The following DGCR8 variants were observed in gnomAD, a reference collection of about 807,000 sequenced individuals.
DGCR8 encodes DGCR8 microprocessor complex subunit.
A neutral mutation model predicts 78.5 loss-of-function variants in DGCR8; 14 were observed. The ratio of observed to expected loss-of-function variants is 0.18; its 90% confidence interval spans 0.12 to 0.28. DGCR8 has a LOEUF of 0.28. Among genes scored for constraint, DGCR8 ranks in the 10% least tolerant of loss-of-function variants. The probability of loss-of-function intolerance (pLI) is 1.00; values close to 1 mark genes in which losing one functional copy is unlikely to be tolerated. For synonymous variants in DGCR8, 399 were observed against 402.4 expected (o/e 0.99, Z 0.10); for missense variants, 702 against 1,022.5 (o/e 0.69, Z 4.28).
At position 20,086,214 on chromosome 22, in the gene DGCR8, GCCT is replaced by G; in HGVS notation, c.256_258del (p.Leu86del). ...TCCAAAGGATCCTTCTCTAAGGGCCGCCTCCTCATAGACCCGAACTGTAGTGGC... is the reference window on the plus strand; with the variant it reads ...TCCAAAGGATCCTTCTCTAAGGGCCGCCTCATAGACCCGAACTGTAGTGGC... On this transcript the variant is annotated inframe_deletion, in exon 2 of 14. Coordinates refer to ENST00000351989, the MANE Select transcript of DGCR8 (RefSeq NM_022720.7). The surrounding 1 kb of genome is among the most constrained non-coding windows in gnomAD (Gnocchi z 6.4). 2 of 1,614,120 alleles carry G rather than the reference GCCT, an allele frequency of 1.2e-6. No homozygotes were observed. Among genetic ancestry groups the G allele is most frequent in the Non-Finnish European group, 1.7e-6 (2 of 1,180,028 alleles).
intron 9 of DGCR8, chr22:20,101,446 T>C (rs945125066): frequency 2.0e-5 from 13 of 666,292 alleles, no homozygotes; most frequent in Admixed American, 6.3e-5. Flanking sequence ...GGCATGGTGG[T>C]GGGCGCCTGC....
intron 9 of DGCR8, chr22:20,100,648 A>T: frequency 2.0e-6 from 2 of 985,268 alleles, no homozygotes; most frequent in Non-Finnish European, 2.4e-6. Context: ...CTCAGCCTCC[A>T]CTCTGGGGTT....
chr22:20,090,584 G>T (rs2049544457), intron 5 of DGCR8, among the ~76,000 whole-genome samples: 2 of 152,222 alleles, frequency 1.3e-5, no homozygotes, highest in Admixed American at 1.3e-4. Flanking sequence ...TCAGTAGGAT[G>T]TGCTCATGTG....
At position 20,101,305 on chromosome 22, in the gene DGCR8, G is replaced by A. The variant is rs370002761; in HGVS notation, c.1789-4872G>A. 6.6e-5 allele frequency: 65 copies of A among 984,800 alleles called. 1 individual carries two copies. The African/African-American group carries it at 8.0e-4, about 12-fold the overall frequency. 61.0% of individuals were successfully genotyped at this position (984,800 alleles called of 1,614,324 possible). A position where few individuals can be genotyped will look rare whatever the true frequency, so the allele number is the denominator to read the frequency against. On this transcript the variant is annotated intron_variant, in intron 9 of 13. Coordinates refer to ENST00000351989, the MANE Select transcript of DGCR8 (RefSeq NM_022720.7). ...TATATGTCATCTGTGGGCTGGGCGC[G>A]GTGGCTCACGCCTGTAATCCCAGCA... is the stretch of plus-strand genomic sequence containing the variant.
chr22:20,094,652 T>G (rs544022441), intron 8 of DGCR8, 61 bp from the exon 9 acceptor site: 1 of 1,483,560 alleles, frequency 6.7e-7, no homozygotes, highest in African/African-American at 1.4e-5. Context: ...CAGTTCACTC[T>G]GCAGGGTGGT....
intron 9 of DGCR8, among the ~76,000 whole-genome samples, chr22:20,104,944 T>A (rs949656629): frequency 6.6e-6 from 1 of 152,126 alleles, no homozygotes; most frequent in Non-Finnish European, 1.5e-5. Context: ...GGCGTGTGAA[T>A]CATTTGATTC....
intron 5 of DGCR8, among the ~76,000 whole-genome samples, chr22:20,090,918 C>T (rs1466085831): frequency 6.6e-6 from 1 of 152,170 alleles, no homozygotes; most frequent in Non-Finnish European, 1.5e-5. Context: ...TGTGGGGTGC[C>T]CTAGAAGAGC....
Position 20,087,042 on chromosome 22 carries a change from A to G in DGCR8, c.721-120A>G. ...TCAGATGATCATGCACCCTAAGGGC[A>G]CATCTAGGCCCCCTGAGAGCACCTC... is the stretch of plus-strand genomic sequence containing the variant. On this transcript the variant is annotated intron_variant, in intron 2 of 13. Transcript: ENST00000351989. The surrounding 1 kb of genome is among the most constrained non-coding windows in gnomAD (Gnocchi z 4.1). 7.7e-7 allele frequency: 1 copy of G among 1,303,398 alleles called. No individual in the cohort carries two copies. The highest frequency in any genetic ancestry group is 1.1e-6 in the Non-Finnish European group (1 of 946,878). The allele number at this position is 1,303,398 out of a possible 1,614,324, so 80.7% of individuals were successfully genotyped here.
rs2049489484 is a variant in DGCR8, at chr22:20,086,782, AAAAAC to A, written c.720+104_720+108del. 4.3e-6 allele frequency: 6 copies of A among 1,380,496 alleles called. No homozygotes were observed. The highest frequency in any genetic ancestry group is 5.8e-6 in the Non-Finnish European group (6 of 1,028,856). 85.5% of individuals were successfully genotyped at this position (1,380,496 alleles called of 1,614,324 possible). A position where few individuals can be genotyped will look rare whatever the true frequency, so the allele number is the denominator to read the frequency against. On this transcript the variant is annotated intron_variant, in intron 2 of 13. Coordinates refer to ENST00000351989, the MANE Select transcript of DGCR8 (RefSeq NM_022720.7). This position sits in a 1 kb window ranked among gnomAD's most constrained non-coding sequence, Gnocchi z 6.4. The stretch of plus-strand genomic sequence containing the variant: ...TGAAAGCAGGGAAATTAAAAAAAAA[AAAAAC>A]AAAAACCAAAATCCCCTCTGAGGTG...
At chr22:20,093,698 A>G (rs1416466509) in intron 8 of DGCR8, among the ~76,000 whole-genome samples, 1 of 152,246 alleles carries the variant, frequency 6.6e-6, no homozygotes, top group Admixed American at 6.5e-5. Flanking sequence ...AACACCTGGC[A>G]CAGCGCAGCT....
intron 8 of DGCR8, 26 bp downstream of exon 8, chr22:20,092,933 G>A: frequency 6.3e-7 from 1 of 1,585,126 alleles, no homozygotes; most frequent in African/African-American, 1.3e-5. Context: ...GGGTGTCAAA[G>A]ATACGTGCTG....
intron 9 of DGCR8, chr22:20,100,428 G>A (rs2049683909): frequency 1.0e-6 from 1 of 985,284 alleles, no homozygotes; most frequent in African/African-American, 1.7e-5. Flanking sequence ...AGGCTTCCAA[G>A]GCCCTCTGGG....
chr22:20,080,566 T>C, intron 1 of DGCR8, 183 bp downstream of exon 1: 4 of 727,942 alleles, frequency 5.5e-6, no homozygotes, highest in Non-Finnish European at 6.7e-6. Context: ...TGGGGACGCC[T>C]CCGGGGCTGG....
rs1455230749 is a variant in DGCR8 at position 20,110,906 on chromosome 22, A to G, written c.*798A>G. 1.5e-5 allele frequency: 5 copies of G among 326,562 alleles called. No homozygotes were observed. Among genetic ancestry groups the G allele is most frequent in the East Asian group, 9.4e-5 (2 of 21,328 alleles). The allele number at this position is 326,562 out of a possible 1,614,324, so 20.2% of individuals were successfully genotyped here. The stretch of plus-strand genomic sequence containing the variant: ...CTGGCCTCCGGCAACAGTTTTTTAC[A>G]AAGATTTTTTGCAGTCGAGTCCATA... On this transcript the variant is annotated 3_prime_UTR_variant, in exon 14 of 14. Transcript: ENST00000351989.
chr22:20,092,290 T>C (rs1056606831), intron 7 of DGCR8, among the ~76,000 whole-genome samples: 1 of 152,132 alleles, frequency 6.6e-6, no homozygotes, highest in African/African-American at 2.4e-5. Context: ...GTGCACTGGG[T>C]CCTTTCCCTG....
chr22:20,098,506 T>C (rs1250006170), intron 9 of DGCR8, among the ~76,000 whole-genome samples: 1 of 152,246 alleles, frequency 6.6e-6, no homozygotes, highest in Non-Finnish European at 1.5e-5. Context: ...ATGGCAACTC[T>C]GGAAATCACA....
At chr22:20,084,254 T>C (rs972149242) in intron 1 of DGCR8, among the ~76,000 whole-genome samples, 31 of 152,246 alleles carry the variant, frequency 2.0e-4, no homozygotes, top group African/African-American at 7.2e-4. Flanking sequence ...TCTCCTGTTC[T>C]TTCCGGGAAT....
In DGCR8 at chr22:20,080,270, C is replaced by G. The variant is rs2049401450; in HGVS notation, c.-391C>G. ...GCTCGCCCGGCGCGGCAGGCGGGTG[C>G]CGGCGACCGGAGAGCCTGGACAGGC... On this transcript the variant is annotated 5_prime_UTR_variant, in exon 1 of 14. Transcript: ENST00000351989. 1.0e-6 allele frequency: 1 copy of G among 980,204 alleles called. No homozygotes were observed. The highest frequency in any genetic ancestry group is 6.3e-5 in the Admixed American group (1 of 15,870). 60.7% of individuals were successfully genotyped at this position (980,204 alleles called of 1,614,324 possible).
chr22:20,110,120 C>T lies in DGCR8; in HGVS notation c.*12C>T, dbSNP rs181969325. ...CCGTGGACGTGTGAGGGAGGTGGCA[C>T]GGGCCAGGGCGCGGGGGCCGCCAGC... On this transcript the variant is annotated 3_prime_UTR_variant, in exon 14 of 14. Coordinates refer to ENST00000351989, the MANE Select transcript of DGCR8 (RefSeq NM_022720.7). 1.6e-3 allele frequency: 2,597 copies of T among 1,605,226 alleles called. 8 individuals carry two copies. Among genetic ancestry groups the T allele is most frequent in the Middle Eastern group, 8.6e-3 (52 of 6,054 alleles).
Sources: allele counts gnomAD v4.1 joint callset (sites outside exome capture counted in the v4.1 genomes callset), GRCh38; gene constraint gnomAD v4.1.1; non-coding constraint Gnocchi (gnomAD v3.1); transcripts MANE v1.5; gene names NCBI Gene and HGNC (gene_info 2026-07-23, HGNC 2026-07-21).